PDE4D: variants seen among roughly 807,000 people sequenced by gnomAD.
PDE4D encodes 3',5'-cyclic-AMP phosphodiesterase 4D.
In PDE4D, 24 loss-of-function variants were observed where a neutral mutation model predicts 87.4. The observed-to-expected ratio is 0.27, with a 90% CI of 0.20 to 0.39. The LOEUF (loss-of-function observed/expected upper bound fraction) is 0.39. Among genes scored for constraint, PDE4D ranks in the 10% least tolerant of loss-of-function variants. The pLI is 1.00. For missense variants in PDE4D, 714 were observed against 1,041.0 expected, an observed-to-expected ratio of 0.69 and a Z score of 4.32; for synonymous variants, 384 against 383.2, an observed-to-expected ratio of 1.00 and a Z score of -0.02.
chr5:59,834,029 C>G (rs999084589), intron 1 of PDE4D, among the ~76,000 whole-genome samples: 1 of 152,002 alleles, frequency 6.6e-6, no homozygotes, highest in Non-Finnish European at 1.5e-5. Flanking sequence ...CAAAGTTCAG[C>G]ATCAAAATGA....
At chr5:59,537,802 CATTAAGG>C (rs1815544191) in intron 1 of PDE4D, among the ~76,000 whole-genome samples, 1 of 152,146 alleles carries the variant, frequency 6.6e-6, no homozygotes, top group Non-Finnish European at 1.5e-5. Flanking sequence ...AACACTATAA[CATTAAGG>C]AGAGCTGTGT....
intron 1 of PDE4D, among the ~76,000 whole-genome samples, chr5:60,353,232 C>A (rs528766206): frequency 8.5e-5 from 13 of 152,278 alleles, no homozygotes; most frequent in Admixed American, 3.9e-4. Flanking sequence ...AAAGCAAACA[C>A]CAGCAAGGAA....
chr5:59,723,079 G>T (rs1406781565), intron 1 of PDE4D, among the ~76,000 whole-genome samples: 1 of 151,990 alleles, frequency 6.6e-6, no homozygotes, highest in Non-Finnish European at 1.5e-5. Flanking sequence ...AATACAGAAG[G>T]TACTGAAGTC....
chr5:59,250,932 A>G (rs1479322115), intron 1 of PDE4D, among the ~76,000 whole-genome samples: 1 of 152,142 alleles, frequency 6.6e-6, no homozygotes, highest in Non-Finnish European at 1.5e-5. Flanking sequence ...TGGAGAAAAC[A>G]CTCCCTATTC....
In PDE4D at chr5:59,233,999, A is replaced by G. The variant is rs7707973; in HGVS notation, c.456-18031T>C. On this transcript the variant is annotated intron_variant, in intron 1 of 14. Coordinates refer to ENST00000340635, the MANE Select transcript of PDE4D (RefSeq NM_001104631.2). ...TATTCATAAATCCTGTTGACTTGCC[A>G]GGTCCACAGCCAAGATAAATGCACA... Among the ~76,000 whole-genome samples, 280 of 152,302 alleles carry G rather than the reference A, an allele frequency of 1.8e-3. 3 individuals are homozygous for G. Among genetic ancestry groups the G allele is most frequent in the African/African-American group, 6.3e-3 (260 of 41,578 alleles).
At chr5:60,143,636 TGTGTG>T (rs1562146427) in intron 2 of PDE4D, among the ~76,000 whole-genome samples, 1 of 143,786 alleles carries the variant, frequency 7.0e-6, no homozygotes, top group Non-Finnish European at 1.5e-5. Flanking sequence ...TGTGTGTGTG[TGTGTG>T]TGTGTGTGTA....
intron 1 of PDE4D, among the ~76,000 whole-genome samples, chr5:59,689,341 A>G (rs1241179616): frequency 2.0e-5 from 3 of 152,224 alleles, no homozygotes; most frequent in African/African-American, 7.2e-5. Flanking sequence ...GGCAAACCGA[A>G]GCCAGCAGCA....
chr5:60,185,440 T>A (rs2149510219), intron 2 of PDE4D: 3 of 602,116 alleles, frequency 5.0e-6, no homozygotes. Flanking sequence ...AACTGAAAGT[T>A]GACTAAACGT....
chr5:60,039,605 T>C (rs187202570), intron 2 of PDE4D, among the ~76,000 whole-genome samples: 1 of 150,882 alleles, frequency 6.6e-6, no homozygotes, highest in African/African-American at 2.4e-5. Context: ...AGAAAAAAAA[T>C]AAAAAAAATA....
At chr5:59,832,553 G>A (rs1463529427) in intron 1 of PDE4D, among the ~76,000 whole-genome samples, 2 of 151,986 alleles carry the variant, frequency 1.3e-5, no homozygotes, top group African/African-American at 4.8e-5. Flanking sequence ...TACAGAATAT[G>A]TTTAGACAAT....
intron 1 of PDE4D, among the ~76,000 whole-genome samples, chr5:60,346,297 A>T (rs1758742542): frequency 6.6e-6 from 1 of 152,178 alleles, no homozygotes; most frequent in African/African-American, 2.4e-5. Flanking sequence ...AGAGCATGTC[A>T]GATGTGGGTC....
chr5:60,505,478 T>C (rs1750281438), intron 1 of PDE4D, among the ~76,000 whole-genome samples: 1 of 152,208 alleles, frequency 6.6e-6, no homozygotes, highest in Admixed American at 6.5e-5. Flanking sequence ...TCAACGTACG[T>C]TCTTCTCCAC....
intron 5 of PDE4D, among the ~76,000 whole-genome samples, chr5:59,159,469 G>A (rs1347067364): frequency 6.6e-6 from 1 of 152,108 alleles, no homozygotes; most frequent in East Asian, 1.9e-4. Flanking sequence ...ATTGTGTCAA[G>A]TCCTTGGGGG....
chr5:60,085,490 A>G (rs1257892686), intron 2 of PDE4D, among the ~76,000 whole-genome samples: 1 of 152,156 alleles, frequency 6.6e-6, no homozygotes, highest in Non-Finnish European at 1.5e-5. Context: ...TAATCCAAGC[A>G]AATAGCCAAG....
chr5:59,892,188 C>G (rs1285491003), intron 1 of PDE4D, among the ~76,000 whole-genome samples: 1 of 152,148 alleles, frequency 6.6e-6, no homozygotes, highest in Non-Finnish European at 1.5e-5. Context: ...ACCTCCACGC[C>G]TGAGTTAAGA....
chr5:59,229,671 A>C (rs1754699999), intron 1 of PDE4D, among the ~76,000 whole-genome samples: 1 of 152,216 alleles, frequency 6.6e-6, no homozygotes. Flanking sequence ...GCCAGTGAGA[A>C]GCTCTTAGCT....
chr5:60,337,372 T>TAC (rs1295111958), intron 1 of PDE4D, among the ~76,000 whole-genome samples: 2 of 117,002 alleles, frequency 1.7e-5, no homozygotes, highest in African/African-American at 3.5e-5. Flanking sequence ...TATATATATA[T>TAC]ATATATATAT....
intron 1 of PDE4D, among the ~76,000 whole-genome samples, chr5:60,244,957 G>A (rs956118854): frequency 1.3e-5 from 2 of 151,818 alleles, no homozygotes; most frequent in Non-Finnish European, 2.9e-5. Flanking sequence ...ATCACATCAA[G>A]TTAAAAAGCT....
intron 2 of PDE4D, chr5:60,022,688 C>T (rs578192592): frequency 6.6e-6 from 1 of 152,206 alleles, no homozygotes; most frequent in Non-Finnish European, 1.5e-5. Context: ...AAACATATTC[C>T]TTTGCCGATG....
Sources: gnomAD v4.1 joint callset for allele counts (sites outside exome capture counted in the v4.1 genomes callset) on GRCh38, gnomAD v4.1.1 for gene constraint, MANE v1.5 for transcripts, NCBI Gene and HGNC (gene_info 2026-07-23, HGNC 2026-07-21) for gene names.